The following PLPP4 variants were observed in gnomAD, a reference collection of about 807,000 sequenced individuals.
PLPP4 encodes the protein phospholipid phosphatase 4.
In PLPP4, 20 loss-of-function variants were observed where a neutral mutation model predicts 32.2. That is an observed-to-expected ratio of 0.62 (90% CI 0.44 to 0.90). The LOEUF is 0.90. PLPP4 is among the 40% of genes least tolerant of loss of function. The probability of loss-of-function intolerance (pLI) is 0.00; values close to 1 mark genes in which losing one functional copy is unlikely to be tolerated. For missense variants in PLPP4, 257 were observed against 353.1 expected, an observed-to-expected ratio of 0.73 and a Z score of 2.18; for synonymous variants, 127 against 133.0, an observed-to-expected ratio of 0.95 and a Z score of 0.31.
intron 5 of PLPP4, among the ~76,000 whole-genome samples, chr10:120,522,051 G>C (rs1384505601): frequency 6.6e-6 from 1 of 152,070 alleles, no homozygotes; most frequent in East Asian, 1.9e-4. Flanking sequence ...GGTAGTGACA[G>C]ATGGTGTATT....
At chr10:120,529,070 T>C (rs1429611552) in intron 5 of PLPP4, among the ~76,000 whole-genome samples, 1 of 152,082 alleles carries the variant, frequency 6.6e-6, no homozygotes, top group African/African-American at 2.4e-5. Flanking sequence ...TTTCATCTCC[T>C]CAGGGGGCAT....
At chr10:120,586,674 A>G (rs1431541533) in intron 6 of PLPP4, among the ~76,000 whole-genome samples, 1 of 152,218 alleles carries the variant, frequency 6.6e-6, no homozygotes, top group Non-Finnish European at 1.5e-5. Context: ...ATTTCCCTCA[A>G]CAAACATAAT....
At chr10:120,581,086 C>T (rs1206554053) in intron 6 of PLPP4, 1 of 1,262,824 alleles carries the variant, frequency 7.9e-7, no homozygotes, top group African/African-American at 1.5e-5. Context: ...CACTGCATAT[C>T]CTGCTTTCAG....
chr10:120,457,392 A>T, intron 1 of PLPP4, 31 bp downstream of exon 1: 4 of 1,524,192 alleles, frequency 2.6e-6, no homozygotes, highest in Non-Finnish European at 3.5e-6. Context: ...GGCAGGGCGC[A>T]CTGACGCGGG....
intron 6 of PLPP4, among the ~76,000 whole-genome samples, chr10:120,581,998 G>T (rs1767924298): frequency 6.6e-6 from 1 of 152,166 alleles, no homozygotes; most frequent in Admixed American, 6.5e-5. Flanking sequence ...GCACAGAAGT[G>T]GCTATAGACA....
At chr10:120,483,140 G>A (rs190001052) in intron 1 of PLPP4, among the ~76,000 whole-genome samples, 11 of 152,328 alleles carry the variant, frequency 7.2e-5, no homozygotes, top group Middle Eastern at 3.4e-3. Context: ...CAGACTGCAA[G>A]TTCTTCAGAT....
chr10:120,495,816 C>G (rs1340078381), intron 1 of PLPP4, among the ~76,000 whole-genome samples: 1 of 152,190 alleles, frequency 6.6e-6, no homozygotes, highest in Non-Finnish European at 1.5e-5. Flanking sequence ...TCAGACCCAG[C>G]ATATTCACAT....
intron 1 of PLPP4, among the ~76,000 whole-genome samples, chr10:120,489,583 T>C (rs917121828): frequency 1.3e-5 from 2 of 152,188 alleles, no homozygotes; most frequent in Non-Finnish European, 2.9e-5. Context: ...GCATTTGCCT[T>C]GTCCAAAGTG....
At chr10:120,582,761 C>T (rs1589931719) in intron 6 of PLPP4, among the ~76,000 whole-genome samples, 2 of 78,540 alleles carry the variant, frequency 2.5e-5, no homozygotes, top group African/African-American at 5.1e-5. Flanking sequence ...TTCCCTCCCT[C>T]CCTCCCTCCC....
chr10:120,484,737 T>C (rs1449402128), intron 1 of PLPP4, among the ~76,000 whole-genome samples: 2 of 152,182 alleles, frequency 1.3e-5, no homozygotes, highest in African/African-American at 4.8e-5. Flanking sequence ...GGAAGAATAA[T>C]GTTCCCCCAG....
chr10:120,528,069 GT>G (rs35501001), intron 5 of PLPP4, among the ~76,000 whole-genome samples: 3,696 of 84,116 alleles, frequency 0.044, 22 homozygotes, highest in African/African-American at 0.087. Context: ...ACCACTCTCC[GT>G]TTTTTTTTTT....
rs58512096 is a variant in PLPP4 at position 120,479,213 on chromosome 10, G to A, written c.56+21852G>A. ...TGCACTCCAGCCTGGGCCACAGAGC[G>A]AGACTCCATCTCAAAACAAAACAAA... On this transcript the variant is annotated intron_variant, in intron 1 of 6. Transcript: ENST00000398250. Among the ~76,000 whole-genome samples, 195 of 152,018 alleles carry A rather than the reference G, an allele frequency of 1.3e-3. 2 individuals are homozygous for A. The East Asian group carries it at 0.028, about 22-fold the overall frequency.
At chr10:120,522,649 C>T (rs527659785) in intron 5 of PLPP4, among the ~76,000 whole-genome samples, 1 of 152,122 alleles carries the variant, frequency 6.6e-6, no homozygotes. Context: ...CAAACAGATA[C>T]GTTTAAGTCC....
At chr10:120,489,039 C>T (rs998686927) in intron 1 of PLPP4, among the ~76,000 whole-genome samples, 1 of 152,160 alleles carries the variant, frequency 6.6e-6, no homozygotes, top group Non-Finnish European at 1.5e-5. Context: ...GCTGATCCTT[C>T]CCTCCCTCCC....
At chr10:120,503,158 C>T (rs1261118260) in intron 1 of PLPP4, among the ~76,000 whole-genome samples, 1 of 152,258 alleles carries the variant, frequency 6.6e-6, no homozygotes, top group East Asian at 1.9e-4. Flanking sequence ...TGCCAAACCT[C>T]TCCTTGGCTC....
At chr10:120,528,068 C>CG (rs1846489713) in intron 5 of PLPP4, among the ~76,000 whole-genome samples, 2 of 120,272 alleles carry the variant, frequency 1.7e-5, no homozygotes, top group Admixed American at 1.8e-4. Flanking sequence ...TACCACTCTC[C>CG]GTTTTTTTTT....
chr10:120,554,432 C>A (rs954728072), intron 5 of PLPP4, among the ~76,000 whole-genome samples: 5 of 145,664 alleles, frequency 3.4e-5, no homozygotes. Context: ...AACTCTCCAT[C>A]ATCTTCCTGT....
chr10:120,462,238 G>T (rs754495997), intron 1 of PLPP4, among the ~76,000 whole-genome samples: 1 of 149,738 alleles, frequency 6.7e-6, no homozygotes, highest in African/African-American at 2.5e-5. Context: ...GGGTGGGTGG[G>T]TGTGGGAGTG....
At chr10:120,562,199 A>G (rs896168938) in intron 5 of PLPP4, among the ~76,000 whole-genome samples, 1 of 152,136 alleles carries the variant, frequency 6.6e-6, no homozygotes, top group African/African-American at 2.4e-5. Context: ...TATTGCTATT[A>G]TAAATTTTAT....
Sources: gnomAD v4.1 joint callset for allele counts (sites outside exome capture counted in the v4.1 genomes callset) on GRCh38, gnomAD v4.1.1 for gene constraint, MANE v1.5 for transcripts, NCBI Gene and HGNC (gene_info 2026-07-23, HGNC 2026-07-21) for gene names.